The following SLC34A2 variants were observed in gnomAD, a reference collection of about 807,000 sequenced individuals.
SLC34A2 encodes solute carrier family 34 member 2, also known as sodium-dependent phosphate transport protein 2B.
SLC34A2 carries 41 observed loss-of-function variants against 50.8 expected under a neutral mutation model. The observed-to-expected ratio is 0.81, with a 90% CI of 0.63 to 1.05. SLC34A2 has a LOEUF of 1.05. Among genes scored for constraint, SLC34A2 ranks in the 50% least tolerant of loss-of-function variants. SLC34A2 has a pLI of 0.00. For synonymous variants in SLC34A2, 401 were observed against 364.2 expected, an observed-to-expected ratio of 1.10 and a Z score of -1.15; for missense variants, 879 against 876.7, an observed-to-expected ratio of 1.00 and a Z score of -0.03.
At chr4:25,670,222 T>TA (rs1491281045) in intron 7 of SLC34A2, among the ~76,000 whole-genome samples, 9 of 152,154 alleles carry the variant, frequency 5.9e-5, no homozygotes, top group Admixed American at 2.6e-4. Context: ...AGACTGTTTT[T>TA]AAAAAATAAA....
In SLC34A2 at chr4:25,664,140, G is replaced by C. The variant is rs993965852; in HGVS notation, c.251-62G>C. 18 of 1,575,322 alleles carry C rather than the reference G, an allele frequency of 1.1e-5. No individual in the cohort carries two copies. The African/African-American group carries it at 2.3e-4, about 20-fold the overall frequency. ...TCTGAGCTCATTGCCAAACTTCTCA[G>C]GGTTTCCAACACTAAAAGTTTCATG... is the stretch of plus-strand genomic sequence containing the variant. On this transcript the variant is annotated intron_variant, in intron 3 of 12. Transcript: ENST00000382051.
intron 1 of SLC34A2, among the ~76,000 whole-genome samples, chr4:25,657,689 A>T (rs542853285): frequency 6.6e-6 from 1 of 152,336 alleles, no homozygotes; most frequent in South Asian, 2.1e-4. Flanking sequence ...TTATCTATCA[A>T]TGTGAGGCCC....
chr4:25,664,185 ATCCCACC>A lies in SLC34A2; in HGVS notation c.251-16_251-10del. 1 of 1,023,284 alleles carries A rather than the reference ATCCCACC, an allele frequency of 9.8e-7. No homozygotes were observed. Among genetic ancestry groups the A allele is most frequent in the Admixed American group, 2.1e-5 (1 of 46,776 alleles). 63.4% of individuals were successfully genotyped at this position (1,023,284 alleles called of 1,614,324 possible). A position where few individuals can be genotyped will look rare whatever the true frequency, so the allele number is the denominator to read the frequency against. On this transcript the variant is annotated splice_polypyrimidine_tract_variant and intron_variant, in intron 3 of 12. Transcript: ENST00000382051. ...TTCATGCCTTTCTCTCTCTCCCCCC[ATCCCACC>A]CCCCTGCAGAGAGAGACACCAAAGG...
rs1714825323 is a variant in SLC34A2 at position 25,671,708 on chromosome 4, G to A, written c.1035G>A (p.Glu345=). Residue 345 remains glutamate, a synonymous_variant, in exon 9 of 13, where the codon GAG becomes GAA. Transcript: ENST00000382051. ...NWTMKNVTYK[E]NIAKCQHIFV... ...CCATGAAGAATGTGACCTACAAGGA[G>A]AACATCGCCAAATGTGAGTGGAGCT... The A allele has an allele frequency of 1.2e-6, 2 of 1,614,124 alleles. No homozygotes were observed. The highest frequency in any genetic ancestry group is 2.2e-5 in the South Asian group (2 of 91,082).
chr4:25,674,765 G>A (rs1031683904), intron 12 of SLC34A2, 136 bp downstream of exon 12: 311 of 1,163,102 alleles, frequency 2.7e-4, no homozygotes, highest in Non-Finnish European at 3.6e-4. Context: ...GGGAAGCCAC[G>A]GGTAAAGTTT....
rs1714996979 is a variant in SLC34A2 at position 25,674,402 on chromosome 4, C to T, written c.1323C>T (p.Thr441=). 6.2e-7 allele frequency: 1 copy of T among 1,614,030 alleles called. No homozygotes were observed. Among genetic ancestry groups the T allele is most frequent in the African/African-American group, 1.3e-5 (1 of 74,912 alleles). The part of the protein sequence containing the change: ...QSSSVFTSAL[T]PLIGIGVITI... ...GCTCTGTGTTCACGTCGGCCTTGAC[C>T]CCCCTGATTGGTGAGTTACACCCTG... is the stretch of plus-strand genomic sequence containing the variant. Residue 441 remains threonine (T), a synonymous_variant, in exon 11 of 13, where the codon ACC becomes ACT. Transcript: ENST00000382051.
Position 25,662,608 on chromosome 4 carries a change from C to T in SLC34A2, c.108C>T (p.Asn36=). 6.2e-7 allele frequency: 1 copy of T among 1,614,124 alleles called. No homozygotes were observed. The highest frequency in any genetic ancestry group is 8.5e-7 in the Non-Finnish European group (1 of 1,180,014). Reference sequence around the variant, plus strand: ...CCCCTGATAAAAGCAAAGAGACCAACAAAAGTAAGTGTCGCTCGTTTGTCT... The same window carrying T: ...CCCCTGATAAAAGCAAAGAGACCAATAAAAGTAAGTGTCGCTCGTTTGTCT... The part of the protein sequence containing the change: ...PTAPDKSKET[N]KTDNTEAPVT... Residue 36 remains asparagine, a synonymous_variant, in exon 2 of 13, where the codon AAC becomes AAT. Coordinates refer to ENST00000382051, the MANE Select transcript of SLC34A2 (RefSeq NM_006424.3).
chr4:25,669,191 C>T (rs1714678006), intron 6 of SLC34A2, among the ~76,000 whole-genome samples: 1 of 152,126 alleles, frequency 6.6e-6, no homozygotes. Context: ...TATTTTGTTA[C>T]ATTCATAGAA....
intron 1 of SLC34A2, among the ~76,000 whole-genome samples, chr4:25,660,772 T>C (rs1714137915): frequency 6.6e-6 from 1 of 152,250 alleles, no homozygotes. Context: ...CTCTAACTCC[T>C]GACCTCAGAT....
rs1158995599 is a variant in SLC34A2 at position 25,670,719 on chromosome 4, C to A, written c.832-19C>A. 1 of 1,601,362 alleles carries A rather than the reference C, an allele frequency of 6.2e-7. No individual in the cohort carries two copies. Among genetic ancestry groups the A allele is most frequent in the Non-Finnish European group, 8.6e-7 (1 of 1,169,288 alleles). ...GTTCTGAGGATATGCTGATGGTTTCCTGTCTACTGTTTCCACAGCTGGATA... is the reference window on the plus strand; with the variant it reads ...GTTCTGAGGATATGCTGATGGTTTCATGTCTACTGTTTCCACAGCTGGATA... On this transcript the variant is annotated intron_variant, in intron 7 of 12. Coordinates refer to ENST00000382051, the MANE Select transcript of SLC34A2 (RefSeq NM_006424.3).
At chr4:25,663,148 G>A (rs2109049150) in intron 3 of SLC34A2, among the ~76,000 whole-genome samples, 1 of 152,110 alleles carries the variant, frequency 6.6e-6, no homozygotes, top group East Asian at 1.9e-4. Context: ...TAGAGATGGG[G>A]TTTCACCATG....
chr4:25,660,568 G>T (rs566844771), intron 1 of SLC34A2, among the ~76,000 whole-genome samples: 2 of 151,940 alleles, frequency 1.3e-5, no homozygotes, highest in African/African-American at 4.8e-5. Flanking sequence ...TTTTTGAGAC[G>T]GAGTTTCACT....
In SLC34A2 at chr4:25,662,572, G is replaced by A. The variant is rs1258052493; in HGVS notation, c.72G>A (p.Gln24=). The A allele has an allele frequency of 6.2e-7, 1 of 1,614,148 alleles. No homozygotes were observed. Among genetic ancestry groups the A allele is most frequent in the Non-Finnish European group, 8.5e-7 (1 of 1,180,040 alleles). The change falls in exon 2 of 13, where the codon CAG becomes CAA. Residue 24 remains glutamine (Q), a synonymous_variant. Coordinates refer to ENST00000382051, the MANE Select transcript of SLC34A2 (RefSeq NM_006424.3). ...PDKYLEGAAG[Q]QPTAPDKSKE... ...AGTACCTCGAAGGGGCCGCAGGTCA[G>A]CAGCCCACTGCCCCTGATAAAAGCA...
At chr4:25,669,262 A>G (rs756397660) in intron 6 of SLC34A2, among the ~76,000 whole-genome samples, 6 of 152,100 alleles carry the variant, frequency 3.9e-5, no homozygotes, top group Non-Finnish European at 5.9e-5. Flanking sequence ...TATGATTTCT[A>G]TGTGTTTGGA....
chr4:25,668,574 G>A (rs548159555), intron 6 of SLC34A2, among the ~76,000 whole-genome samples: 152 of 151,858 alleles, frequency 1.0e-3, no homozygotes, highest in Non-Finnish European at 1.9e-3. Flanking sequence ...CCCGGGAGGC[G>A]GAGGTTGCAG....
intron 1 of SLC34A2, among the ~76,000 whole-genome samples, chr4:25,660,631 C>T (rs982799041): frequency 2.6e-5 from 4 of 152,126 alleles, no homozygotes; most frequent in African/African-American, 9.7e-5. Flanking sequence ...CTGCAACCTC[C>T]ACCTCCCAGA....
rs34751784 is a variant in SLC34A2, at chr4:25,676,201, C to T, written c.1525C>T (p.Arg509Cys). The change falls in exon 13 of 13, where the codon CGC becomes TGC. Residue 509 changes from arginine (R) to cysteine (C), a missense_variant. Coordinates refer to ENST00000382051, the MANE Select transcript of SLC34A2 (RefSeq NM_006424.3). ...GCTGTGGTACCCGATCCCGTTCACT[C>T]GCCTGCCCATCCGCATGGCCAAGGG... Reference protein sequence around the residue: ...ILLWYPIPFTRLPIRMAKGLG... With the variant: ...ILLWYPIPFTCLPIRMAKGLG... 4 of 1,614,086 alleles carry T rather than the reference C, an allele frequency of 2.5e-6. No individual in the cohort carries two copies. Among genetic ancestry groups the T allele is most frequent in the African/African-American group, 2.7e-5 (2 of 74,940 alleles).
chr4:25,669,730 A>G lies in SLC34A2; in HGVS notation c.719A>G (p.Tyr240Cys), dbSNP rs748938980. 6.2e-7 allele frequency: 1 copy of G among 1,614,100 alleles called. No individual in the cohort carries two copies. Among genetic ancestry groups the G allele is most frequent in the Admixed American group, 1.7e-5 (1 of 60,014 alleles). The change falls in exon 7 of 13, where the codon TAC (tyrosine) becomes TGC (cysteine). Residue 240 changes from tyrosine to cysteine, a missense_variant. Coordinates refer to ENST00000382051, the MANE Select transcript of SLC34A2 (RefSeq NM_006424.3). ...TTGCCCGTGGAGGTGGCCACCCATT[A>G]CCTCGAGATCATAACCCAGCTTATA... ...VLLPVEVATH[Y>C]LEIITQLIVE...
intron 6 of SLC34A2, among the ~76,000 whole-genome samples, chr4:25,668,761 T>C (rs1259584233): frequency 6.6e-6 from 1 of 152,072 alleles, no homozygotes; most frequent in Non-Finnish European, 1.5e-5. Context: ...ACTTACAAGT[T>C]AATAAAAAAC....
Sources: allele counts gnomAD v4.1 joint callset (sites outside exome capture counted in the v4.1 genomes callset), GRCh38; gene constraint gnomAD v4.1.1; transcripts MANE v1.5; gene names NCBI Gene and HGNC (gene_info 2026-07-23, HGNC 2026-07-21).